The following EEFSEC variants were observed in gnomAD, a reference collection of about 807,000 sequenced individuals.
EEFSEC encodes eukaryotic elongation factor, selenocysteine-tRNA specific, also known as selenocysteine-specific elongation factor.
EEFSEC carries 43 observed loss-of-function variants against 42.1 expected under a neutral mutation model. That is an observed-to-expected ratio of 1.02 (90% CI 0.80 to 1.32). The LOEUF is 1.32. Ranked by LOEUF, EEFSEC falls within the 40% of genes most tolerant of loss-of-function variation. The probability of loss-of-function intolerance (pLI) is 0.00; values close to 1 mark genes in which losing one functional copy is unlikely to be tolerated. For synonymous variants in EEFSEC, 354 were observed against 339.1 expected, an observed-to-expected ratio of 1.04 and a Z score of -0.48; for missense variants, 745 against 803.6, an observed-to-expected ratio of 0.93 and a Z score of 0.88.
At position 128,292,463 on chromosome 3, in the gene EEFSEC, G is replaced by T. The variant is rs182503571; in HGVS notation, c.786+27682G>T. Among the ~76,000 whole-genome samples the T allele has an allele frequency of 6.6e-3, 1,000 of 151,542 alleles. 3 individuals carry two copies. Among genetic ancestry groups the T allele is most frequent in the South Asian group, 0.011 (51 of 4,818 alleles). On this transcript the variant is annotated intron_variant, in intron 4 of 6. Coordinates refer to ENST00000254730, the MANE Select transcript of EEFSEC (RefSeq NM_021937.5). ...TGAGGGCATATAGTTTTCTTTAAGA[G>T]GAGTCTTTTAATTATGTATTTAAAT...
At chr3:128,414,088 G>A in the EEFSEC span, among the ~76,000 whole-genome samples, 6,610 of 152,318 alleles carry the variant, frequency 0.043, 485 homozygotes, top group African/African-American at 0.15. Flanking sequence ...GGTCCTTGAC[G>A]GACAACCCTG....
chr3:128,182,449 C>T (rs2065418409), intron 1 of EEFSEC, among the ~76,000 whole-genome samples: 1 of 152,090 alleles, frequency 6.6e-6, no homozygotes, highest in Non-Finnish European at 1.5e-5. Flanking sequence ...GAAAAGTATG[C>T]CTTCCTTCTG....
intron 1 of EEFSEC, among the ~76,000 whole-genome samples, chr3:128,238,817 C>T (rs892300127): frequency 2.0e-5 from 3 of 152,216 alleles, no homozygotes. Flanking sequence ...TCAGGCAGCA[C>T]CCTGCAGTGT....
At chr3:128,327,985 C>G (rs1248826515) in intron 4 of EEFSEC, among the ~76,000 whole-genome samples, 1 of 152,188 alleles carries the variant, frequency 6.6e-6, no homozygotes, top group African/African-American at 2.4e-5. Flanking sequence ...GAGGCTTGAA[C>G]CGTGAACAAG....
intron 6 of EEFSEC, among the ~76,000 whole-genome samples, chr3:128,399,124 C>T (rs1327321621): frequency 2.0e-5 from 3 of 151,946 alleles, no homozygotes; most frequent in Non-Finnish European, 4.4e-5. Flanking sequence ...AAAACCCTTC[C>T]ATCCGCATAA....
chr3:128,407,469 GGT>G (rs764917013), intron 6 of EEFSEC, among the ~76,000 whole-genome samples: 55 of 152,000 alleles, frequency 3.6e-4, no homozygotes, highest in Non-Finnish European at 4.9e-4. Flanking sequence ...AGCCCCAGCG[GGT>G]GGTGGTTCCT....
At chr3:128,313,265 G>C (rs1357836617) in intron 4 of EEFSEC, among the ~76,000 whole-genome samples, 1 of 152,224 alleles carries the variant, frequency 6.6e-6, no homozygotes, top group East Asian at 1.9e-4. Context: ...CAGGAAAAGG[G>C]CAGTTGTCTG....
At chr3:128,406,481 A>G (rs769191005) in intron 6 of EEFSEC, among the ~76,000 whole-genome samples, 4 of 152,222 alleles carry the variant, frequency 2.6e-5, no homozygotes, top group Non-Finnish European at 5.9e-5. Context: ...ACAATGTGTA[A>G]TATTCAATGA....
chr3:128,294,581 A>T (rs2066681897), intron 4 of EEFSEC, among the ~76,000 whole-genome samples: 1 of 152,158 alleles, frequency 6.6e-6, no homozygotes, highest in African/African-American at 2.4e-5. Flanking sequence ...ATCAGAACTC[A>T]TGACCTTGTG....
At chr3:128,273,970 C>T (rs2066441039) in intron 4 of EEFSEC, among the ~76,000 whole-genome samples, 1 of 152,292 alleles carries the variant, frequency 6.6e-6, no homozygotes, top group African/African-American at 2.4e-5. Flanking sequence ...GCCTCCCAAC[C>T]CTTTGATGGG....
chr3:128,266,366 G>C (rs376822600), intron 4 of EEFSEC, among the ~76,000 whole-genome samples: 53 of 152,156 alleles, frequency 3.5e-4, no homozygotes, highest in African/African-American at 1.2e-3. Context: ...CATGTCTTGC[G>C]TGTGCCATCC....
chr3:128,156,461 T>A (rs1944383265), intron 1 of EEFSEC, among the ~76,000 whole-genome samples: 1 of 152,214 alleles, frequency 6.6e-6, no homozygotes, highest in Non-Finnish European at 1.5e-5. Context: ...GCATACCTCA[T>A]GTTATTGTGC....
At chr3:128,414,034 C>T in the EEFSEC span, among the ~76,000 whole-genome samples, 19 of 152,258 alleles carry the variant, frequency 1.2e-4, no homozygotes, top group African/African-American at 4.6e-4. Flanking sequence ...CTCCGACCCG[C>T]CTGTCTTCAC....
intron 4 of EEFSEC, among the ~76,000 whole-genome samples, chr3:128,286,497 G>A (rs1339639597): frequency 1.3e-5 from 2 of 152,132 alleles, no homozygotes; most frequent in African/African-American, 4.8e-5. Flanking sequence ...TTATACTTTG[G>A]GTTATAATCC....
At chr3:128,371,407 GCTT>G (rs2067652487) in intron 6 of EEFSEC, among the ~76,000 whole-genome samples, 1 of 152,178 alleles carries the variant, frequency 6.6e-6, no homozygotes, top group African/African-American at 2.4e-5. Context: ...GGTATCCCTG[GCTT>G]CTTCTTACTA....
intron 4 of EEFSEC, among the ~76,000 whole-genome samples, chr3:128,307,525 G>A (rs2066844164): frequency 6.6e-6 from 1 of 152,156 alleles, no homozygotes; most frequent in African/African-American, 2.4e-5. Flanking sequence ...AAAATATCTA[G>A]AGGCATACCC....
intron 1 of EEFSEC, among the ~76,000 whole-genome samples, chr3:128,200,449 C>A (rs533900369): frequency 1.3e-5 from 2 of 152,186 alleles, no homozygotes; most frequent in Admixed American, 1.3e-4. Flanking sequence ...CCACCATGCC[C>A]GGCTAATTTC....
At chr3:128,377,569 G>A (rs760789753) in intron 6 of EEFSEC, among the ~76,000 whole-genome samples, 4 of 152,228 alleles carry the variant, frequency 2.6e-5, no homozygotes, top group Admixed American at 1.3e-4. Context: ...TTTCAATGCA[G>A]CGTAACAGTA....
chr3:128,394,171 G>T (rs1258835369), intron 6 of EEFSEC, among the ~76,000 whole-genome samples: 1 of 152,310 alleles, frequency 6.6e-6, no homozygotes, highest in Non-Finnish European at 1.5e-5. Flanking sequence ...CTGTACCCAC[G>T]CTCACCCTGG....
Sources: allele counts gnomAD v4.1 joint callset (sites outside exome capture counted in the v4.1 genomes callset), GRCh38; gene constraint gnomAD v4.1.1; transcripts MANE v1.5; gene names NCBI Gene and HGNC (gene_info 2026-07-23, HGNC 2026-07-21).